DPF3: variants seen among roughly 807,000 people sequenced by gnomAD.
The protein encoded by DPF3 is double PHD fingers 3.
Under a neutral mutation model 56.8 loss-of-function variants are expected in DPF3, and 18 were observed. That is an observed-to-expected ratio of 0.32 (90% CI 0.22 to 0.47). The LOEUF is 0.47. Among genes scored for constraint, DPF3 ranks in the 20% least tolerant of loss-of-function variants. The pLI is 1.00. For missense variants in DPF3, 403 were observed against 488.8 expected, an observed-to-expected ratio of 0.82 and a Z score of 1.65; for synonymous variants, 188 against 180.2, an observed-to-expected ratio of 1.04 and a Z score of -0.35.
chr14:72,672,070 C>G (rs1331198400), intron 8 of DPF3, among the ~76,000 whole-genome samples: 1 of 151,852 alleles, frequency 6.6e-6, no homozygotes, highest in African/African-American at 2.4e-5. Context: ...GACACACACA[C>G]ACACACACAC....
intron 2 of DPF3, among the ~76,000 whole-genome samples, chr14:72,756,501 T>C (rs1890794150): frequency 6.6e-6 from 1 of 151,906 alleles, no homozygotes; most frequent in Non-Finnish European, 1.5e-5. Context: ...ATTTAGAAGA[T>C]GAAATGGGAG....
At chr14:72,856,308 A>G (rs1357156052) in intron 1 of DPF3, among the ~76,000 whole-genome samples, 1 of 152,228 alleles carries the variant, frequency 6.6e-6, no homozygotes, top group South Asian at 2.1e-4. Context: ...AAACAGGAGA[A>G]CATCTTTCCT....
chr14:72,787,840 G>A (rs1334222197), intron 1 of DPF3, among the ~76,000 whole-genome samples: 1 of 152,186 alleles, frequency 6.6e-6, no homozygotes, highest in Admixed American at 6.5e-5. Flanking sequence ...GAACTGAGCT[G>A]CTAAGGACAA....
intron 8 of DPF3, chr14:72,671,426 T>A: frequency 1.5e-5 from 22 of 1,504,572 alleles, no homozygotes; most frequent in Non-Finnish European, 1.9e-5. Context: ...AATGCTATTC[T>A]TAATAGCAAG....
intron 2 of DPF3, among the ~76,000 whole-genome samples, chr14:72,767,796 G>A (rs1013904380): frequency 2.8e-5 from 4 of 140,860 alleles, no homozygotes; most frequent in Non-Finnish European, 4.6e-5. Flanking sequence ...AAACCCACAG[G>A]TTGAAGAAGC....
At chr14:72,657,458 T>G (rs928374379) in intron 8 of DPF3, among the ~76,000 whole-genome samples, 2 of 152,198 alleles carry the variant, frequency 1.3e-5, no homozygotes, top group Admixed American at 6.5e-5. Flanking sequence ...GAAAAACTAG[T>G]AAACAGCTTT....
intron 1 of DPF3, chr14:72,773,972 A>G (rs1263744858): frequency 2.2e-6 from 1 of 454,908 alleles, no homozygotes; most frequent in Non-Finnish European, 4.4e-6. Context: ...GAACATGAGT[A>G]TACAAATATC....
chr14:72,792,531 C>A (rs1423169799), intron 1 of DPF3, among the ~76,000 whole-genome samples: 1 of 152,172 alleles, frequency 6.6e-6, no homozygotes, highest in Non-Finnish European at 1.5e-5. Context: ...CAGCGCTTCC[C>A]CCACACAGCC....
chr14:72,681,239 C>T (rs1252874546), intron 7 of DPF3, among the ~76,000 whole-genome samples: 1 of 152,138 alleles, frequency 6.6e-6, no homozygotes, highest in Non-Finnish European at 1.5e-5. Context: ...CGGAGAGTCC[C>T]CCGAGCACAG....
chr14:72,613,491 C>T lies in DPF3; in HGVS notation c.*5806G>A, dbSNP rs964294274. Among the ~76,000 whole-genome samples, 1 of 152,206 alleles carries T rather than the reference C, an allele frequency of 6.6e-6. No homozygotes were observed. Among genetic ancestry groups the T allele is most frequent in the Admixed American group, 6.5e-5 (1 of 15,284 alleles). On this transcript the variant is annotated 3_prime_UTR_variant, in exon 11 of 11. Coordinates refer to ENST00000556509, the MANE Select transcript of DPF3 (RefSeq NM_001280542.3). ...TCCTGGTGGAGCCAAAGAAGGGGAA[C>T]TGTGGAAGGTCCCTCTCTCAAGGCC... is the stretch of plus-strand genomic sequence containing the variant.
intron 8 of DPF3, among the ~76,000 whole-genome samples, chr14:72,656,996 T>A (rs1399540967): frequency 6.6e-6 from 1 of 152,234 alleles, no homozygotes; most frequent in African/African-American, 2.4e-5. Flanking sequence ...GCATCAGTAA[T>A]CTTCTCCACC....
rs559450468 is a variant in DPF3 at position 72,651,211 on chromosome 14, A to AG, written c.872-21476dup. Among the ~76,000 whole-genome samples the AG allele has an allele frequency of 2.0e-3, 304 of 152,294 alleles. 1 individual carries two copies. Among genetic ancestry groups the AG allele is most frequent in the Middle Eastern group, 3.4e-3 (1 of 294 alleles). On this transcript the variant is annotated intron_variant, in intron 8 of 10. Transcript: ENST00000556509. ...GAGGTGGCCCAGGATGGGGGCGGGC[A>AG]GGGGGTCTGGAATCTTGGCATCGTG...
At chr14:72,755,267 C>A (rs1170184590) in intron 2 of DPF3, among the ~76,000 whole-genome samples, 2 of 152,224 alleles carry the variant, frequency 1.3e-5, no homozygotes, top group African/African-American at 4.8e-5. Flanking sequence ...CCAGGTCCTA[C>A]ACCCTCCCTG....
At chr14:72,648,024 CTACT>C (rs1885776909) in intron 8 of DPF3, among the ~76,000 whole-genome samples, 3 of 152,124 alleles carry the variant, frequency 2.0e-5, no homozygotes, top group Admixed American at 2.0e-4. Context: ...CCCCTTTTTC[CTACT>C]TACTCAACTT....
At chr14:72,829,265 C>T (rs1361459414) in intron 1 of DPF3, among the ~76,000 whole-genome samples, 1 of 152,222 alleles carries the variant, frequency 6.6e-6, no homozygotes, top group African/African-American at 2.4e-5. Context: ...TCTCACAGTA[C>T]AAGACAATAT....
chr14:72,876,437 G>T (rs1393881642), intron 1 of DPF3, among the ~76,000 whole-genome samples: 1 of 152,134 alleles, frequency 6.6e-6, no homozygotes, highest in Admixed American at 6.5e-5. Flanking sequence ...GGACGATGAG[G>T]AGTATGAGTC....
chr14:72,758,352 A>G (rs1890925588), intron 2 of DPF3, among the ~76,000 whole-genome samples: 1 of 152,198 alleles, frequency 6.6e-6, no homozygotes, highest in Non-Finnish European at 1.5e-5. Context: ...CAGCCTTAAG[A>G]GAGTCTCCAG....
chr14:72,661,035 G>A, intron 8 of DPF3: 1 of 985,334 alleles, frequency 1.0e-6, no homozygotes, highest in Middle Eastern at 5.2e-4. Flanking sequence ...AAATTTTACA[G>A]AGATGCTATA....
chr14:72,884,955 T>TATATATATATATATATATATACAC (rs1886472631), intron 1 of DPF3, among the ~76,000 whole-genome samples: 1 of 95,574 alleles, frequency 1.0e-5, no homozygotes, highest in South Asian at 3.7e-4. Flanking sequence ...TATATATATA[T>TATATATATATATATATATATACAC]ATATATATAT....
Sources: gnomAD v4.1 joint callset for allele counts (sites outside exome capture counted in the v4.1 genomes callset) on GRCh38, gnomAD v4.1.1 for gene constraint, MANE v1.5 for transcripts, NCBI Gene and HGNC (gene_info 2026-07-23, HGNC 2026-07-21) for gene names.